DIP2A: variants seen among roughly 807,000 people sequenced by gnomAD.
DIP2A encodes the protein disco-interacting protein 2 homolog A.
In DIP2A, 85 loss-of-function variants were observed where a neutral mutation model predicts 177.4. That is an observed-to-expected ratio of 0.48 (90% CI 0.40 to 0.57). The LOEUF (loss-of-function observed/expected upper bound fraction) is 0.57. DIP2A is among the 20% of genes least tolerant of loss of function. The pLI is 0.00. For missense variants in DIP2A, 1,791 were observed against 2,100.2 expected, an observed-to-expected ratio of 0.85 and a Z score of 2.88; for synonymous variants, 886 against 881.8, an observed-to-expected ratio of 1.00 and a Z score of -0.08.
At chr21:46,508,040 C>T (rs2058107909) in intron 6 of DIP2A, among the ~76,000 whole-genome samples, 1 of 151,246 alleles carries the variant, frequency 6.6e-6, no homozygotes, top group African/African-American at 2.4e-5. Flanking sequence ...GCCCAGCCCC[C>T]CATTTTTTTT....
intron 23 of DIP2A, among the ~76,000 whole-genome samples, chr21:46,551,130 G>C (rs1267887635): frequency 6.6e-6 from 1 of 152,148 alleles, no homozygotes; most frequent in Non-Finnish European, 1.5e-5. Context: ...GTGTGGCCTC[G>C]GAAATCTCTC....
chr21:46,552,330 T>C (rs1344740235), intron 25 of DIP2A, among the ~76,000 whole-genome samples: 1 of 152,216 alleles, frequency 6.6e-6, no homozygotes, highest in Non-Finnish European at 1.5e-5. Context: ...AAATGACAAA[T>C]GTTGCTTCCT....
chr21:46,538,723 T>C (rs2059676798), intron 16 of DIP2A, 121 bp downstream of exon 16: 1 of 1,356,828 alleles, frequency 7.4e-7, no homozygotes, highest in Non-Finnish European at 9.9e-7. Flanking sequence ...TAGATACACA[T>C]GTCCCATCGT....
At position 46,561,524 on chromosome 21, in the gene DIP2A, A is replaced by G. The variant is rs1339793377; in HGVS notation, c.4032-224A>G. On this transcript the variant is annotated intron_variant, in intron 33 of 37. Transcript: ENST00000417564. ...ACGAAATGTAGAGTGAGCTGCTGTGAGCACATGGGGTGGGTGGCGAGTGCA... is the reference window on the plus strand; with the variant it reads ...ACGAAATGTAGAGTGAGCTGCTGTGGGCACATGGGGTGGGTGGCGAGTGCA... 4 of 646,248 alleles carry G rather than the reference A, an allele frequency of 6.2e-6. No individual in the cohort carries two copies. In the African/African-American group the frequency reaches 7.3e-5, roughly 12 times the overall value. The allele number at this position is 646,248 out of a possible 1,614,324, so 40.0% of individuals were successfully genotyped here.
At chr21:46,470,527 C>T (rs955126903) in intron 1 of DIP2A, among the ~76,000 whole-genome samples, 1 of 151,438 alleles carries the variant, frequency 6.6e-6, no homozygotes, top group East Asian at 1.9e-4. Context: ...AATTCCAGCA[C>T]TTTGGGAGGC....
At chr21:46,524,155 A>T (rs2058958622) in intron 8 of DIP2A, among the ~76,000 whole-genome samples, 1 of 152,226 alleles carries the variant, frequency 6.6e-6, no homozygotes, top group Non-Finnish European at 1.5e-5. Context: ...AGCCGTCAGC[A>T]AAGAGTGCAA....
rs558108367 is a variant in DIP2A, at chr21:46,484,937, TA to T, written c.163+112del. 1,203 of 1,010,454 alleles carry T rather than the reference TA, an allele frequency of 1.2e-3. 5 individuals are homozygous for T. The highest frequency in any genetic ancestry group is 3.3e-3 in the South Asian group (189 of 57,132). 62.6% of individuals were successfully genotyped at this position (1,010,454 alleles called of 1,614,324 possible). A position where few individuals can be genotyped will look rare whatever the true frequency, so the allele number is the denominator to read the frequency against. On this transcript the variant is annotated intron_variant, in intron 2 of 37. Coordinates refer to ENST00000417564, the MANE Select transcript of DIP2A (RefSeq NM_015151.4). ...TTTGTTAGCAATGTTAAACCAACTTTAAACACTGGTATATGTTGATTATTGA... is the reference window on the plus strand; with the variant it reads ...TTTGTTAGCAATGTTAAACCAACTTTAACACTGGTATATGTTGATTATTGA...
rs889298279 is a variant in DIP2A, at chr21:46,563,035, T to TA, written c.4090-822dup. On this transcript the variant is annotated intron_variant, in intron 34 of 37. Coordinates refer to ENST00000417564, the MANE Select transcript of DIP2A (RefSeq NM_015151.4). The surrounding 1 kb of genome is among the most constrained non-coding windows in gnomAD (Gnocchi z 4.3). The stretch of plus-strand genomic sequence containing the variant: ...TGGACGTTCTTTCCTATTTTGCTGT[T>TA]ACAATCACTTGGGCCTGATAGGTTT... Among the ~76,000 whole-genome samples, 1 of 152,218 alleles carries TA rather than the reference T, an allele frequency of 6.6e-6. No individual in the cohort carries two copies. Among genetic ancestry groups the TA allele is most frequent in the African/African-American group, 2.4e-5 (1 of 41,458 alleles).
chr21:46,500,878 C>T (rs2057612048), intron 5 of DIP2A, among the ~76,000 whole-genome samples: 1 of 152,204 alleles, frequency 6.6e-6, no homozygotes, highest in African/African-American at 2.4e-5. Context: ...GAAGACAGCT[C>T]CTGACTCCTG....
rs574515238 is a variant in DIP2A at position 46,561,824 on chromosome 21, C to T, written c.4089+19C>T. 142 of 1,613,540 alleles carry T rather than the reference C, an allele frequency of 8.8e-5. 1 individual carries two copies. Among genetic ancestry groups the T allele is most frequent in the South Asian group, 7.0e-4 (64 of 91,078 alleles). On this transcript the variant is annotated intron_variant, in intron 34 of 37. Coordinates refer to ENST00000417564, the MANE Select transcript of DIP2A (RefSeq NM_015151.4). Reference sequence around the variant, plus strand: ...TGGAAAGGTAGTGGAAACCAAGACGCGTGCATTCTGAGTCGCGTCTGAGAC... The same window carrying T: ...TGGAAAGGTAGTGGAAACCAAGACGTGTGCATTCTGAGTCGCGTCTGAGAC...
rs768640124 is a variant in DIP2A, at chr21:46,554,556, C to A, written c.3155-19C>A. The A allele has an allele frequency of 2.5e-6, 4 of 1,608,996 alleles. No individual in the cohort carries two copies. The highest frequency in any genetic ancestry group is 3.4e-6 in the Non-Finnish European group (4 of 1,177,822). On this transcript the variant is annotated intron_variant, in intron 26 of 37. Transcript: ENST00000417564. The stretch of plus-strand genomic sequence containing the variant: ...CCTCTTGCGGCCGGCCTCCTCACAG[C>A]CAGTCCTTGTCTCCACAGGGGTGGA...
chr21:46,573,069 A>G (rs938742098), downstream of DIP2A, among the ~76,000 whole-genome samples: 31 of 152,116 alleles, frequency 2.0e-4, 1 homozygote, highest in Non-Finnish European at 4.4e-5. Context: ...CTCAGAACAT[A>G]TTTCTGTTGT....
chr21:46,504,556 C>G, intron 6 of DIP2A, 67 bp downstream of exon 6: 1 of 1,522,606 alleles, frequency 6.6e-7, no homozygotes, highest in Non-Finnish European at 8.8e-7. Context: ...GTATTGAACA[C>G]AGCTTTAATG....
intron 1 of DIP2A, among the ~76,000 whole-genome samples, 165 bp downstream of exon 1, chr21:46,459,387 G>A (rs2054076533): frequency 7.1e-6 from 1 of 140,414 alleles, no homozygotes; most frequent in Non-Finnish European, 1.5e-5. Context: ...CCCTCAACGG[G>A]ACCCCGGTTC....
intron 21 of DIP2A, among the ~76,000 whole-genome samples, chr21:46,549,284 A>G (rs894133895): frequency 3.9e-5 from 6 of 152,236 alleles, no homozygotes; most frequent in South Asian, 2.1e-4. Context: ...AGACAAAGAT[A>G]TCAACTCAAA....
chr21:46,567,459 C>T lies in DIP2A; in HGVS notation c.4553C>T (p.Thr1518Ile). 1 of 1,613,874 alleles carries T rather than the reference C, an allele frequency of 6.2e-7. No individual in the cohort carries two copies. The highest frequency in any genetic ancestry group is 8.5e-7 in the Non-Finnish European group (1 of 1,179,858). The change falls in exon 38 of 38, where the codon ACC (threonine) becomes ATC (isoleucine). Residue 1518 changes from threonine to isoleucine, a missense_variant. Coordinates refer to ENST00000417564, the MANE Select transcript of DIP2A (RefSeq NM_015151.4). ...GCCCTGGACCTGGTGGCCCTGGTGA[C>T]CAACGTGGTGCTGGAGGAGCACTAC... ...QDALDLVALV[T>I]NVVLEEHYLV...
chr21:46,561,720 G>A, intron 33 of DIP2A, 28 bp from the exon 34 acceptor site: 2 of 1,613,566 alleles, frequency 1.2e-6, no homozygotes, highest in Non-Finnish European at 1.7e-6. Context: ...AGTAAATTTT[G>A]TACTGAAATT....
chr21:46,546,446 GC>G, intron 20 of DIP2A: 1 of 352,446 alleles, frequency 2.8e-6, no homozygotes, highest in Non-Finnish European at 4.2e-6. Context: ...GTACCTAGAG[GC>G]CAGAGATGCT....
chr21:46,554,793 C>G (rs1456140619), intron 27 of DIP2A, 29 bp from the exon 28 acceptor site: 1 of 502,302 alleles, frequency 2.0e-6, no homozygotes, highest in South Asian at 1.6e-5. Context: ...GAGGCCCCGC[C>G]CACCCACCCT....
Sources: gnomAD v4.1 joint callset for allele counts (sites outside exome capture counted in the v4.1 genomes callset) on GRCh38, gnomAD v4.1.1 for gene constraint, Gnocchi (gnomAD v3.1) non-coding constraint, MANE v1.5 for transcripts, NCBI Gene and HGNC (gene_info 2026-07-23, HGNC 2026-07-21) for gene names.